Variants in PECAM1 observed in about 807,000 individuals in gnomAD.
PECAM1 encodes the protein platelet and endothelial cell adhesion molecule 1.
Under a neutral mutation model 13.8 loss-of-function variants are expected in PECAM1, and 8 were observed. The observed-to-expected ratio is 0.58, with a 90% CI of 0.34 to 1.05. PECAM1 has a LOEUF of 1.05. Ranked by LOEUF, PECAM1 falls within the 50% of genes least tolerant of loss-of-function variation. The probability of loss-of-function intolerance (pLI) is 0.03; values close to 1 mark genes in which losing one functional copy is unlikely to be tolerated. For synonymous variants in PECAM1, 136 were observed against 52.6 expected, an observed-to-expected ratio of 2.58 and a Z score of -6.86; for missense variants, 304 against 141.2, an observed-to-expected ratio of 2.15 and a Z score of -5.84.
chr17:64,338,938 T>A (rs1253423840), intron 14 of PECAM1, among the ~76,000 whole-genome samples: 1 of 152,222 alleles, frequency 6.6e-6, no homozygotes, highest in Non-Finnish European at 1.5e-5. Flanking sequence ...TGATTTGCGT[T>A]ATGTATGTTA....
At chr17:64,359,924 T>C (rs2035934949) in intron 7 of PECAM1, among the ~76,000 whole-genome samples, 1 of 152,138 alleles carries the variant, frequency 6.6e-6, no homozygotes, top group East Asian at 1.9e-4. Flanking sequence ...AGCTAATTTT[T>C]GTATTTTTAG....
chr17:64,370,650 C>T (rs1228864005), intron 4 of PECAM1, among the ~76,000 whole-genome samples: 2 of 152,104 alleles, frequency 1.3e-5, no homozygotes, highest in Non-Finnish European at 2.9e-5. Flanking sequence ...TCTAGAACAG[C>T]CTCTGGGCAA....
intron 2 of PECAM1, among the ~76,000 whole-genome samples, chr17:64,382,519 G>A (rs1304917541): frequency 6.6e-6 from 1 of 152,164 alleles, no homozygotes. Flanking sequence ...TCCAGTTACA[G>A]AAATAAAGTC....
At chr17:64,347,545 AT>A (rs1463716099) in intron 13 of PECAM1, among the ~76,000 whole-genome samples, 1,889 of 122,070 alleles carry the variant, frequency 0.015, 31 homozygotes, top group African/African-American at 0.071. Flanking sequence ...GAAAAAAAAA[AT>A]ATATATATAT....
In PECAM1 at chr17:64,352,456, C is replaced by T. The variant is rs2035747766; in HGVS notation, c.1924G>A (p.Val642Ile). 1 of 474,900 alleles carries T rather than the reference C, an allele frequency of 2.1e-6. No homozygotes were observed. Among genetic ancestry groups the T allele is most frequent in the Admixed American group, 3.2e-5 (1 of 31,700 alleles). The allele number at this position is 474,900 out of a possible 1,614,324, so 29.4% of individuals were successfully genotyped here. ...TCGTTGTTGGAGTTCAGAAGTGGTA[C>T]TGCTGGCCTTAAAATGAAATATAAA... ...QMPVEMSRPA[V>I]PLLNSNNEKM... is the part of the protein sequence containing the mutation. Residue 642 changes from valine to isoleucine, a missense_variant, in exon 11 of 16, where the codon GTA becomes ATA. Physicochemically the swap from Val to Ile is conservative, Grantham distance 29 (BLOSUM62 3). Coordinates refer to ENST00000563924, the MANE Select transcript of PECAM1 (RefSeq NM_000442.5).
intron 13 of PECAM1, among the ~76,000 whole-genome samples, chr17:64,345,745 G>A (rs899225045): frequency 2.0e-5 from 3 of 149,998 alleles, no homozygotes; most frequent in East Asian, 3.9e-4. Flanking sequence ...GAGGAAGAGA[G>A]CTTCAGGCCT....
chr17:64,358,239 C>A (rs1425177280), intron 7 of PECAM1, among the ~76,000 whole-genome samples: 1 of 151,202 alleles, frequency 6.6e-6, no homozygotes, highest in Non-Finnish European at 1.5e-5. Context: ...CCACCTCAGC[C>A]ACCTGAGTAG....
chr17:64,352,521 G>A, intron 10 of PECAM1, 58 bp from the exon 11 acceptor site: 1 of 421,066 alleles, frequency 2.4e-6, no homozygotes, highest in Non-Finnish European at 4.3e-6. Flanking sequence ...TGTTGTTATT[G>A]TTCTAACCCC....
At chr17:64,361,950 G>T (rs1160217400) in intron 6 of PECAM1, among the ~76,000 whole-genome samples, 1 of 152,086 alleles carries the variant, frequency 6.6e-6, no homozygotes, top group Non-Finnish European at 1.5e-5. Context: ...TGCCTTTTGA[G>T]TTAGGTGGTT....
In PECAM1 at chr17:64,362,915, G is replaced by A. The variant is rs1020033906; in HGVS notation, c.1216+234C>T. ...AACTTTTGGGTGGGTACTTGCTCCA[G>A]GAGGCAGAATCTTGCCAGAATCTTA... On this transcript the variant is annotated intron_variant, in intron 6 of 15. Coordinates refer to ENST00000563924, the MANE Select transcript of PECAM1 (RefSeq NM_000442.5). Among the ~76,000 whole-genome samples the A allele has an allele frequency of 5.0e-3, 756 of 152,182 alleles. 3 individuals carry two copies. Among genetic ancestry groups the A allele is most frequent in the Admixed American group, 0.01 (155 of 15,270 alleles).
In PECAM1 at chr17:64,319,750, A is replaced by C. The variant is rs2034786008; in HGVS notation, c.*4066T>G. The C allele has an allele frequency of 6.6e-6, 1 of 152,010 alleles. No homozygotes were observed. Among genetic ancestry groups the C allele is most frequent in the Non-Finnish European group, 1.5e-5 (1 of 67,998 alleles). The allele number at this position is 152,010 out of a possible 1,614,324, so 9.4% of individuals were successfully genotyped here. Reference sequence around the variant, plus strand: ...AGGAAGGTAGGTCATATACTGGTTAAATTCCGCCATTTTGCCTCTTGGTGC... The same window carrying C: ...AGGAAGGTAGGTCATATACTGGTTACATTCCGCCATTTTGCCTCTTGGTGC... On this transcript the variant is annotated 3_prime_UTR_variant, in exon 16 of 16. Transcript: ENST00000563924.
intron 2 of PECAM1, among the ~76,000 whole-genome samples, chr17:64,385,915 C>A (rs928657400): frequency 6.6e-6 from 1 of 152,186 alleles, no homozygotes; most frequent in South Asian, 2.1e-4. Context: ...CTGGGTCTGT[C>A]GTGCCAGAAT....
chr17:64,329,650 C>G lies in PECAM1; in HGVS notation c.2187+50G>C, dbSNP rs782531400. 8 of 731,618 alleles carry G rather than the reference C, an allele frequency of 1.1e-5. No homozygotes were observed. The Admixed American group carries it at 1.4e-4, about 12-fold the overall frequency. 45.3% of individuals were successfully genotyped at this position (731,618 alleles called of 1,614,324 possible). On this transcript the variant is annotated intron_variant, in intron 15 of 15. Coordinates refer to ENST00000563924, the MANE Select transcript of PECAM1 (RefSeq NM_000442.5). ...CGTGGGTGAGTCTGGAAATATTTCACTGTTCAGTGGAGTACTTTTAAATAT... is the reference window on the plus strand; with the variant it reads ...CGTGGGTGAGTCTGGAAATATTTCAGTGTTCAGTGGAGTACTTTTAAATAT...
intron 4 of PECAM1, among the ~76,000 whole-genome samples, chr17:64,371,254 C>T (rs1376502721): frequency 6.6e-6 from 1 of 152,058 alleles, no homozygotes; most frequent in African/African-American, 2.4e-5. Flanking sequence ...AGAAACAGAA[C>T]AGGTAAATTT....
chr17:64,341,970 C>T (rs1423562969), intron 13 of PECAM1, among the ~76,000 whole-genome samples: 1 of 151,830 alleles, frequency 6.6e-6, no homozygotes, highest in East Asian at 1.9e-4. Context: ...GCCAACATGG[C>T]GAAACCCCGT....
chr17:64,340,623 AAAG>A (rs1382051696), intron 14 of PECAM1, among the ~76,000 whole-genome samples: 3 of 152,056 alleles, frequency 2.0e-5, no homozygotes, highest in Non-Finnish European at 4.4e-5. Context: ...CCACCGAAAA[AAAG>A]GACTTGTTGA....
chr17:64,375,910 A>G (rs905482911), intron 3 of PECAM1, among the ~76,000 whole-genome samples: 8,458 of 152,244 alleles, frequency 0.056, 328 homozygotes, highest in Middle Eastern at 0.15. Flanking sequence ...AGAATGATAC[A>G]GTGGACTTTG....
chr17:64,347,676 A>ATATAT (rs370377839), intron 13 of PECAM1, among the ~76,000 whole-genome samples: 126,004 of 143,068 alleles, frequency 0.88, 57,195 homozygotes, highest in East Asian at 1. Flanking sequence ...CAAAGAAAAC[A>ATATAT]TATATATTAT....
chr17:64,377,856 TTC>T lies in PECAM1; in HGVS notation c.351_352del (p.Lys118AsnfsTer48). On this transcript the variant is annotated frameshift_variant, in exon 3 of 16. Coordinates refer to ENST00000563924, the MANE Select transcript of PECAM1 (RefSeq NM_000442.5). LOFTEE classifies it high-confidence loss of function. ...CAACACCTGGTACTCTGCAGTGGTT[TTC>T]TCTTTGTTGTTCACAATCACAGTAC... 4.2e-6 allele frequency: 2 copies of T among 475,352 alleles called. No homozygotes were observed. Among genetic ancestry groups the T allele is most frequent in the Non-Finnish European group, 7.7e-6 (2 of 259,072 alleles). 29.4% of individuals were successfully genotyped at this position (475,352 alleles called of 1,614,324 possible).
Sources: allele counts gnomAD v4.1 joint callset (sites outside exome capture counted in the v4.1 genomes callset), GRCh38; gene constraint gnomAD v4.1.1; transcripts MANE v1.5; gene names NCBI Gene and HGNC (gene_info 2026-07-23, HGNC 2026-07-21).